Variants in CCDC192 observed in about 807,000 individuals in gnomAD.
The protein encoded by CCDC192 is coiled-coil domain containing 192, also known as coiled-coil domain-containing protein 192.
At chr5:127,940,909 A>C in intron 6 of CCDC192, 1 of 293,302 alleles carries the variant, frequency 3.4e-6, no homozygotes, top group Non-Finnish European at 6.2e-6. Context: ...GGTTAACTGA[A>C]AGTTAAATGC....
At chr5:127,890,194 G>A (rs1580800031) in intron 6 of CCDC192, among the ~76,000 whole-genome samples, 1 of 152,058 alleles carries the variant, frequency 6.6e-6, no homozygotes, top group African/African-American at 2.4e-5. Flanking sequence ...GCAGGATAGT[G>A]AGACCCCATT....
chr5:127,790,336 T>C lies in CCDC192; in HGVS notation c.223-6767T>C, dbSNP rs138567625. Among the ~76,000 whole-genome samples the C allele has an allele frequency of 2.6e-5, 4 of 152,336 alleles. No individual in the cohort carries two copies. In the East Asian group the frequency reaches 7.7e-4, roughly 29 times the overall value. On this transcript the variant is annotated intron_variant, in intron 3 of 6. Coordinates refer to ENST00000514853, the MANE Select transcript of CCDC192 (RefSeq NM_001317938.2). Reference sequence around the variant, plus strand: ...GGCCATTTTGGGATATGTTTTGTACTGATATATCATAGTTGTACATATTTT... The same window carrying C: ...GGCCATTTTGGGATATGTTTTGTACCGATATATCATAGTTGTACATATTTT...
intron 2 of CCDC192, among the ~76,000 whole-genome samples, chr5:127,720,690 G>T (rs1751969394): frequency 6.6e-6 from 1 of 152,228 alleles, no homozygotes; most frequent in African/African-American, 2.4e-5. Context: ...ACTTCTGCCT[G>T]GACATCCAGG....
chr5:127,928,353 C>G (rs555733444), intron 6 of CCDC192, among the ~76,000 whole-genome samples: 1 of 152,318 alleles, frequency 6.6e-6, no homozygotes, highest in African/African-American at 2.4e-5. Context: ...TCTTTTCCAT[C>G]TTCTTTAGGC....
At chr5:127,925,786 T>A (rs1036088321) in intron 6 of CCDC192, among the ~76,000 whole-genome samples, 1 of 152,182 alleles carries the variant, frequency 6.6e-6, no homozygotes, top group African/African-American at 2.4e-5. Context: ...GCTGTCTCTC[T>A]AAAACCTACT....
chr5:127,805,102 TC>T (rs1338088362), intron 5 of CCDC192, among the ~76,000 whole-genome samples: 1 of 152,162 alleles, frequency 6.6e-6, no homozygotes, highest in East Asian at 1.9e-4. Context: ...GTCCCACACT[TC>T]TATGTGCTCT....
chr5:127,875,332 C>CT (rs1003284595), intron 5 of CCDC192, among the ~76,000 whole-genome samples: 14 of 151,810 alleles, frequency 9.2e-5, no homozygotes, highest in African/African-American at 2.4e-4. Context: ...AGAGAGTGGG[C>CT]TTTTTTTTGT....
rs1177268613 is a variant in CCDC192 at position 127,773,600 on chromosome 5, T to C, written c.222+19225T>C. On this transcript the variant is annotated intron_variant, in intron 3 of 6. Transcript: ENST00000514853. ...TGAAGTTTATCCAAGCTACAGCAAG[T>C]ATAAGTACTTTATTCCTTTTTATGC... Among the ~76,000 whole-genome samples the C allele has an allele frequency of 2.6e-5, 4 of 152,234 alleles. No homozygotes were observed. In the South Asian group the frequency reaches 6.2e-4, roughly 24 times the overall value.
chr5:127,852,832 C>T (rs754001463), intron 5 of CCDC192, among the ~76,000 whole-genome samples: 1 of 152,150 alleles, frequency 6.6e-6, no homozygotes, highest in Non-Finnish European at 1.5e-5. Flanking sequence ...CGGTGGCTCA[C>T]ACCTGTAATC....
chr5:127,812,034 T>G (rs912518144), intron 5 of CCDC192, among the ~76,000 whole-genome samples: 57 of 152,164 alleles, frequency 3.7e-4, no homozygotes, highest in Non-Finnish European at 5.9e-5. Flanking sequence ...ACTAGCTGAG[T>G]GTCTGAGTAG....
chr5:127,805,640 T>C (rs1226014063), intron 5 of CCDC192, among the ~76,000 whole-genome samples: 1 of 152,182 alleles, frequency 6.6e-6, no homozygotes. Context: ...CACATGTACA[T>C]TAATCTAAAT....
Position 127,783,890 on chromosome 5 carries a change from C to T in CCDC192, c.223-13213C>T, listed in dbSNP as rs559816081. 3.8e-4 allele frequency among the ~76,000 whole-genome samples: 58 copies of T among 152,204 alleles called. 1 individual carries two copies. The South Asian group carries it at 0.011, about 30-fold the overall frequency. On this transcript the variant is annotated intron_variant, in intron 3 of 6. Transcript: ENST00000514853. ...GGCCTTTTACCATCATATAATGTCC[C>T]TCTTTGTATTTTTTAACTGCTGTTG...
chr5:127,755,694 A>C (rs938194349), intron 3 of CCDC192, among the ~76,000 whole-genome samples: 1 of 151,046 alleles, frequency 6.6e-6, no homozygotes, highest in Admixed American at 6.6e-5. Context: ...AAAAAAAAAA[A>C]CTAAGAATTT....
At chr5:127,880,566 A>G (rs926994216) in intron 6 of CCDC192, among the ~76,000 whole-genome samples, 2 of 151,856 alleles carry the variant, frequency 1.3e-5, no homozygotes, top group Non-Finnish European at 2.9e-5. Context: ...ACTAACCTGC[A>G]CAATGTGCAC....
rs180685356 is a variant in CCDC192 at position 127,926,676 on chromosome 5, A to G, written c.536-14506A>G. On this transcript the variant is annotated intron_variant, in intron 6 of 6. Coordinates refer to ENST00000514853, the MANE Select transcript of CCDC192 (RefSeq NM_001317938.2). ...TTAGATAATGAGTTGAGTTTTTGGC[A>G]TATTATATCTGAGGTGCTTATAAGA... Among the ~76,000 whole-genome samples, 24 of 152,304 alleles carry G rather than the reference A, an allele frequency of 1.6e-4. No individual in the cohort carries two copies. The East Asian group carries it at 2.1e-3, about 13-fold the overall frequency.
rs1307608093 is a variant in CCDC192, at chr5:127,762,408, A to G, written c.222+8033A>G. ...TTATTAAAAAACAAAACAAAATCCAACAACTTCTCATTTAAGCAGATGTTC... is the reference window on the plus strand; with the variant it reads ...TTATTAAAAAACAAAACAAAATCCAGCAACTTCTCATTTAAGCAGATGTTC... On this transcript the variant is annotated intron_variant, in intron 3 of 6. Transcript: ENST00000514853. Among the ~76,000 whole-genome samples, 4 of 152,318 alleles carry G rather than the reference A, an allele frequency of 2.6e-5. No homozygotes were observed. The East Asian group carries it at 5.8e-4, about 22-fold the overall frequency.
At chr5:127,927,405 G>A (rs1174056406) in intron 6 of CCDC192, among the ~76,000 whole-genome samples, 3 of 152,068 alleles carry the variant, frequency 2.0e-5, no homozygotes, top group Non-Finnish European at 2.9e-5. Flanking sequence ...TACTATCTGT[G>A]GTTGCAGGCA....
intron 6 of CCDC192, among the ~76,000 whole-genome samples, chr5:127,907,907 A>G (rs1028150756): frequency 1.3e-5 from 2 of 152,232 alleles, no homozygotes; most frequent in African/African-American, 2.4e-5. Context: ...CATTCTGCCT[A>G]TCTAGACCAA....
intron 6 of CCDC192, among the ~76,000 whole-genome samples, chr5:127,902,058 G>T (rs1753051588): frequency 6.6e-6 from 1 of 152,118 alleles, no homozygotes; most frequent in African/African-American, 2.4e-5. Context: ...ATCATCTGAG[G>T]TCAGGAGTTC....
Sources: gnomAD v4.1 joint callset for allele counts (sites outside exome capture counted in the v4.1 genomes callset) on GRCh38, gnomAD v4.1.1 for gene constraint, MANE v1.5 for transcripts, NCBI Gene and HGNC (gene_info 2026-07-23, HGNC 2026-07-21) for gene names.